The following KCNIP4 variants were observed in gnomAD, a reference collection of about 807,000 sequenced individuals.
KCNIP4 encodes the protein potassium voltage-gated channel interacting protein 4.
KCNIP4 carries 12 observed loss-of-function variants against 34.0 expected under a neutral mutation model. That is an observed-to-expected ratio of 0.35 (90% CI 0.23 to 0.57). The LOEUF is 0.57. Among genes scored for constraint, KCNIP4 ranks in the 20% least tolerant of loss-of-function variants. The pLI, the probability that KCNIP4 is intolerant of heterozygous loss-of-function variation, is 0.83. For missense variants in KCNIP4, 238 were observed against 311.7 expected (o/e 0.76, Z 1.78); for synonymous variants, 124 against 102.2 (o/e 1.21, Z -1.29).
intron 1 of KCNIP4, among the ~76,000 whole-genome samples, chr4:21,808,283 G>C (rs1721421188): frequency 6.6e-6 from 1 of 152,050 alleles, no homozygotes; most frequent in South Asian, 2.1e-4. Flanking sequence ...TTTATACATA[G>C]ATTTTCTTCC....
intron 1 of KCNIP4, among the ~76,000 whole-genome samples, chr4:21,342,596 C>CT (rs1560307524): frequency 1.3e-5 from 2 of 151,810 alleles, no homozygotes; most frequent in East Asian, 3.9e-4. Context: ...GATTTATTTG[C>CT]TTTTTTCTGT....
chr4:21,058,441 A>C (rs572491522), intron 1 of KCNIP4, among the ~76,000 whole-genome samples: 1 of 152,264 alleles, frequency 6.6e-6, no homozygotes, highest in East Asian at 1.9e-4. Context: ...ACTTGGATAA[A>C]AATGGGTTCC....
rs148922380 is a variant in KCNIP4 at position 21,025,133 on chromosome 4, C to T, written c.62-142424G>A. On this transcript the variant is annotated intron_variant, in intron 1 of 8. Transcript: ENST00000382152. ...AAGGCAAGAAAAATGTAAGATTTTA[C>T]ATGCTAAAGTCATATAGTCAGCATC... 3.5e-3 allele frequency among the ~76,000 whole-genome samples: 540 copies of T among 152,222 alleles called. 4 individuals carry two copies. Among genetic ancestry groups the T allele is most frequent in the African/African-American group, 0.012 (504 of 41,520 alleles).
In KCNIP4 at chr4:21,093,136, C is replaced by A. The variant is rs148829717; in HGVS notation, c.62-210427G>T. Reference sequence around the variant, plus strand: ...CTTCTGAGACCCTTCCTAATAAAACCATTAAGGTTGAGCAGGCAACATTGT... The same window carrying A: ...CTTCTGAGACCCTTCCTAATAAAACAATTAAGGTTGAGCAGGCAACATTGT... On this transcript the variant is annotated intron_variant, in intron 1 of 8. Coordinates refer to ENST00000382152, the MANE Select transcript of KCNIP4 (RefSeq NM_025221.6). Among the ~76,000 whole-genome samples, 818 of 152,210 alleles carry A rather than the reference C, an allele frequency of 5.4e-3. 8 individuals carry two copies. Among genetic ancestry groups the A allele is most frequent in the African/African-American group, 0.018 (766 of 41,526 alleles).
At chr4:21,858,502 G>T (rs551683057) in intron 1 of KCNIP4, among the ~76,000 whole-genome samples, 3 of 152,272 alleles carry the variant, frequency 2.0e-5, no homozygotes, top group Admixed American at 6.5e-5. Flanking sequence ...CCCAATTTCT[G>T]CCTCATTTCA....
intron 1 of KCNIP4, among the ~76,000 whole-genome samples, chr4:21,878,224 C>T (rs757364137): frequency 2.0e-5 from 3 of 152,098 alleles, no homozygotes; most frequent in African/African-American, 4.8e-5. Context: ...TACAGGCACA[C>T]ACCACCACGC....
At chr4:21,481,994 C>T (rs1348873925) in intron 1 of KCNIP4, among the ~76,000 whole-genome samples, 1 of 152,002 alleles carries the variant, frequency 6.6e-6, no homozygotes, top group Admixed American at 6.6e-5. Context: ...CTGGGTGCTC[C>T]TGTATTGGGT....
intron 1 of KCNIP4, among the ~76,000 whole-genome samples, chr4:21,938,385 G>A (rs1729992968): frequency 2.6e-5 from 4 of 152,044 alleles, no homozygotes; most frequent in Admixed American, 2.6e-4. Context: ...AGAATACTTG[G>A]GAAATGATGT....
At chr4:21,940,019 C>T (rs1277303673) in intron 1 of KCNIP4, among the ~76,000 whole-genome samples, 1 of 152,150 alleles carries the variant, frequency 6.6e-6, no homozygotes, top group African/African-American at 2.4e-5. Context: ...TGAGCATTTT[C>T]AAATTCCTTT....
At chr4:21,660,250 A>G (rs1477203699) in intron 1 of KCNIP4, among the ~76,000 whole-genome samples, 1 of 152,142 alleles carries the variant, frequency 6.6e-6, no homozygotes, top group Non-Finnish European at 1.5e-5. Context: ...AATACATGAA[A>G]GGCAGAGATG....
chr4:21,904,400 T>TA lies in KCNIP4; in HGVS notation c.61+44170dup, dbSNP rs1218122649. 1.1e-3 allele frequency among the ~76,000 whole-genome samples: 172 copies of TA among 152,316 alleles called. 1 individual carries two copies. The highest frequency in any genetic ancestry group is 4.0e-3 in the African/African-American group (166 of 41,572). ...ACAAAGATATCCCACAGGAACCACT[T>TA]ACAGTGTATGTGACAGGATCTAATA... On this transcript the variant is annotated intron_variant, in intron 1 of 8. Coordinates refer to ENST00000382152, the MANE Select transcript of KCNIP4 (RefSeq NM_025221.6).
At chr4:21,235,016 T>C (rs919997285) in intron 1 of KCNIP4, among the ~76,000 whole-genome samples, 4 of 152,120 alleles carry the variant, frequency 2.6e-5, no homozygotes, top group Non-Finnish European at 5.9e-5. Flanking sequence ...ACAAAGCAGT[T>C]ATCAAAATAT....
chr4:21,517,383 C>T (rs1560477454), intron 1 of KCNIP4, among the ~76,000 whole-genome samples: 1 of 152,096 alleles, frequency 6.6e-6, no homozygotes, highest in Admixed American at 6.5e-5. Context: ...AGTTTTGAAC[C>T]TGAAATGTGA....
intron 1 of KCNIP4, among the ~76,000 whole-genome samples, chr4:21,622,534 C>G (rs1745061021): frequency 6.6e-6 from 1 of 152,104 alleles, no homozygotes; most frequent in Non-Finnish European, 1.5e-5. Context: ...AGTCATTATG[C>G]AGAGCTTTTT....
chr4:20,734,785 AAAC>A (rs754484439), intron 5 of KCNIP4, 50 bp from the exon 6 acceptor site: 1 of 1,063,750 alleles, frequency 9.4e-7, no homozygotes, highest in Admixed American at 2.3e-5. Flanking sequence ...AAAAAAACAA[AAAC>A]AAAAAAAACA....
At chr4:21,275,410 A>T (rs1410906388) in intron 1 of KCNIP4, among the ~76,000 whole-genome samples, 1 of 152,232 alleles carries the variant, frequency 6.6e-6, no homozygotes, top group East Asian at 1.9e-4. Flanking sequence ...ATAAAACAGG[A>T]AACCTCAATG....
chr4:21,200,653 G>A (rs1191615328), intron 1 of KCNIP4, among the ~76,000 whole-genome samples: 1 of 151,702 alleles, frequency 6.6e-6, no homozygotes, highest in East Asian at 1.9e-4. Context: ...GAGGGTGAGG[G>A]TGGTTAAGGA....
At chr4:21,085,219 G>A (rs564282487) in intron 1 of KCNIP4, among the ~76,000 whole-genome samples, 5 of 152,184 alleles carry the variant, frequency 3.3e-5, no homozygotes, top group Admixed American at 2.0e-4. Context: ...AGACACAAGA[G>A]AGATTCTCTC....
intron 1 of KCNIP4, among the ~76,000 whole-genome samples, chr4:21,467,526 C>T (rs1372287723): frequency 2.0e-5 from 3 of 152,086 alleles, no homozygotes; most frequent in Admixed American, 1.3e-4. Context: ...GGCCTCAAAA[C>T]CAAGGCCGTC....
Sources: gnomAD v4.1 joint callset for allele counts (sites outside exome capture counted in the v4.1 genomes callset) on GRCh38, gnomAD v4.1.1 for gene constraint, MANE v1.5 for transcripts, NCBI Gene and HGNC (gene_info 2026-07-23, HGNC 2026-07-21) for gene names.